The following RILPL2 variants were observed in gnomAD, a reference collection of about 807,000 sequenced individuals.
RILPL2 encodes the protein RILP-like protein 2.
A neutral mutation model predicts 22.2 loss-of-function variants in RILPL2; 19 were observed. The ratio of observed to expected loss-of-function variants is 0.86; its 90% CI spans 0.60 to 1.25. RILPL2 has a LOEUF of 1.25. Ranked by LOEUF, RILPL2 falls within the 50% of genes most tolerant of loss-of-function variation. RILPL2 has a pLI of 0.00. For synonymous variants in RILPL2, 123 were observed against 111.6 expected (o/e 1.10, Z -0.64); for missense variants, 243 against 263.6 (o/e 0.92, Z 0.54).
chr12:123,427,056 C>T (rs1879462458), intron 2 of RILPL2, among the ~76,000 whole-genome samples: 1 of 152,040 alleles, frequency 6.6e-6, no homozygotes, highest in African/African-American at 2.4e-5. Context: ...CCTCAGCCTC[C>T]CAAGTAGCTG....
intron 2 of RILPL2, among the ~76,000 whole-genome samples, chr12:123,426,982 C>T (rs1177356012): frequency 6.6e-6 from 1 of 150,740 alleles, no homozygotes; most frequent in African/African-American, 2.4e-5. Flanking sequence ...AGTGCAGTTG[C>T]TATTCACGGG....
intron 1 of RILPL2, among the ~76,000 whole-genome samples, chr12:123,433,161 C>A (rs1879700228): frequency 6.7e-6 from 1 of 148,546 alleles, no homozygotes; most frequent in South Asian, 2.1e-4. Flanking sequence ...GGCTAGAATG[C>A]AGCAGCGTGA....
rs1343883919 is a variant in RILPL2 at position 123,419,041 on chromosome 12, C to T, written c.606-3120G>A. 3.2e-5 allele frequency among the ~76,000 whole-genome samples: 4 copies of T among 124,320 alleles called. No homozygotes were observed. In the East Asian group the frequency reaches 7.2e-4, roughly 22 times the overall value. The allele number at this position is 124,320 out of a possible 152,430, so 81.6% of individuals were successfully genotyped here. On this transcript the variant is annotated intron_variant, in intron 3 of 3. Coordinates refer to ENST00000280571, the MANE Select transcript of RILPL2 (RefSeq NM_145058.3). ...TTTTTTTTTTTTTGAGACGGAGTCT[C>T]GCTCTGTCACTCAGGCTGGAGTGCA...
At chr12:123,417,624 G>A (rs1481633094) in intron 3 of RILPL2, among the ~76,000 whole-genome samples, 2 of 151,670 alleles carry the variant, frequency 1.3e-5, no homozygotes, top group East Asian at 1.9e-4. Context: ...CACTGTGGTT[G>A]CCCAGGCTCA....
intron 2 of RILPL2, among the ~76,000 whole-genome samples, chr12:123,430,257 A>G (rs1287085270): frequency 1.3e-5 from 2 of 151,264 alleles, no homozygotes; most frequent in African/African-American, 2.4e-5. Flanking sequence ...AAAATACAAA[A>G]AATTAGCCAG....
chr12:123,412,645 C>T (rs1879003129), downstream of RILPL2: 2 of 152,186 alleles, frequency 1.3e-5, no homozygotes, highest in Non-Finnish European at 2.9e-5. Context: ...AGACTTTTCA[C>T]CCATTATGCC....
chr12:123,414,508 C>T (rs1879061851), downstream of RILPL2: 1 of 152,802 alleles, frequency 6.5e-6, no homozygotes, highest in Non-Finnish European at 1.5e-5. Flanking sequence ...TCCACACCTC[C>T]CTGCAAGCTG....
intron 1 of RILPL2, among the ~76,000 whole-genome samples, chr12:123,432,626 A>G (rs1170208312): frequency 6.6e-6 from 1 of 152,208 alleles, no homozygotes; most frequent in Non-Finnish European, 1.5e-5. Context: ...GTTTGAGAAG[A>G]AAATATGCCA....
At chr12:123,410,458 T>C (rs1432603881), downstream of RILPL2, among the ~76,000 whole-genome samples, 1 of 152,174 alleles carries the variant, frequency 6.6e-6, no homozygotes, top group Admixed American at 6.5e-5. Flanking sequence ...TCACTTCCCC[T>C]CTCTGAAACT....
At chr12:123,419,012 CG>C (rs1566089747) in intron 3 of RILPL2, among the ~76,000 whole-genome samples, 3 of 142,552 alleles carry the variant, frequency 2.1e-5, no homozygotes, top group East Asian at 2.1e-4. Flanking sequence ...CCACTGCGCC[CG>C]GCTTTTTTTT....
At chr12:123,425,524 C>T (rs1593491538) in intron 2 of RILPL2, among the ~76,000 whole-genome samples, 1 of 151,884 alleles carries the variant, frequency 6.6e-6, no homozygotes, top group Non-Finnish European at 1.5e-5. Context: ...CTCAGTGGCT[C>T]ACCATGTATT....
Position 123,436,263 on chromosome 12 carries a change from A to G in RILPL2, c.158T>C (p.Met53Thr). 1 of 1,610,524 alleles carries G rather than the reference A, an allele frequency of 6.2e-7. No homozygotes were observed. Among genetic ancestry groups the G allele is most frequent in the African/African-American group, 1.3e-5 (1 of 74,970 alleles). ...DISYLLGREL[M>T]ALGSDPRVTQ... is the part of the protein sequence containing the mutation. ...CACCCGGGGGTCGCTGCCCAGGGCCATAAGCTCGCGGCCCAACAGGTAGGA... is the reference window on the plus strand; with the variant it reads ...CACCCGGGGGTCGCTGCCCAGGGCCGTAAGCTCGCGGCCCAACAGGTAGGA... Residue 53 changes from methionine to threonine, a missense_variant, in exon 1 of 4, where the codon ATG becomes ACG. Physicochemically the swap from Met to Thr is moderately conservative, Grantham distance 81. Transcript: ENST00000280571. This position sits in a 1 kb window ranked among gnomAD's most constrained non-coding sequence, Gnocchi z 6.7.
intron 2 of RILPL2, among the ~76,000 whole-genome samples, chr12:123,430,212 A>G (rs1879586109): frequency 6.7e-6 from 1 of 149,396 alleles, no homozygotes; most frequent in Non-Finnish European, 1.5e-5. Flanking sequence ...GATCGAGACC[A>G]TTCTGCCTAA....
intron 3 of RILPL2, among the ~76,000 whole-genome samples, chr12:123,421,878 G>T (rs1423414826): frequency 1.3e-5 from 2 of 151,754 alleles, no homozygotes; most frequent in Non-Finnish European, 2.9e-5. Context: ...ATGTTGGCCA[G>T]GCTGGTCTCG....
At position 123,436,187 on chromosome 12, in the gene RILPL2, C is replaced by G. The variant is rs758675568; in HGVS notation, c.234G>C (p.Leu78=). The change falls in exon 1 of 4, where the codon CTG becomes CTC. Residue 78 remains leucine (L), a synonymous_variant. Transcript: ENST00000280571. The surrounding 1 kb of genome is among the most constrained non-coding windows in gnomAD (Gnocchi z 6.7). Reference sequence around the variant, plus strand: ...CCAGCGCCAGGCTGCCCTCATTCACCAGCGCCTCCAGCATCTCCAGGACGC... The same window carrying G: ...CCAGCGCCAGGCTGCCCTCATTCACGAGCGCCTCCAGCATCTCCAGGACGC... ...VVRVLEMLEA[L]VNEGSLALEE... is the part of the protein sequence containing the mutation. The G allele has an allele frequency of 2.1e-5, 34 of 1,611,180 alleles. No homozygotes were observed. The South Asian group carries it at 3.6e-4, about 17-fold the overall frequency.
At chr12:123,410,075 T>A (rs936870824), downstream of RILPL2, among the ~76,000 whole-genome samples, 3 of 151,986 alleles carry the variant, frequency 2.0e-5, no homozygotes, top group Non-Finnish European at 4.4e-5. Flanking sequence ...CTCAAACTCC[T>A]GACCTTAATG....
At chr12:123,420,728 C>T (rs747718872) in intron 3 of RILPL2, among the ~76,000 whole-genome samples, 5 of 152,018 alleles carry the variant, frequency 3.3e-5, no homozygotes, top group East Asian at 1.9e-4. Context: ...TCAGCCACTG[C>T]GCCCGGTCGA....
At chr12:123,409,608 T>A in the RILPL2 span, among the ~76,000 whole-genome samples, 1 of 150,598 alleles carries the variant, frequency 6.6e-6, no homozygotes, top group African/African-American at 2.5e-5. Flanking sequence ...AGTGGGGCAG[T>A]CTCAGCTCAC....
chr12:123,422,360 A>G (rs1265582349), intron 3 of RILPL2, among the ~76,000 whole-genome samples: 2 of 152,030 alleles, frequency 1.3e-5, no homozygotes, highest in African/African-American at 4.8e-5. Flanking sequence ...TACCAAAAAT[A>G]CAAAAATTAG....
Sources: gnomAD v4.1 joint callset for allele counts (sites outside exome capture counted in the v4.1 genomes callset) on GRCh38, gnomAD v4.1.1 for gene constraint, Gnocchi (gnomAD v3.1) non-coding constraint, MANE v1.5 for transcripts, NCBI Gene and HGNC (gene_info 2026-07-23, HGNC 2026-07-21) for gene names.